The following ARB2A variants were observed in gnomAD, a reference collection of about 807,000 sequenced individuals.
ARB2A encodes ARB2 cotranscriptional regulator A.
the ARB2A span, chr5:94,053,192 T>G: frequency 6.3e-7 from 1 of 1,596,470 alleles, no homozygotes; most frequent in Non-Finnish European, 8.6e-7. Context: ...TCATCTTTTT[T>G]CATTAGTTCA....
the ARB2A span, chr5:93,784,593 A>G: frequency 1.1e-6 from 1 of 884,642 alleles, no homozygotes; most frequent in Non-Finnish European, 1.7e-6. Flanking sequence ...TATTATATTA[A>G]CAATGAAAAA....
chr5:93,714,396 A>C, the ARB2A span, among the ~76,000 whole-genome samples: 1 of 152,186 alleles, frequency 6.6e-6, no homozygotes, highest in Non-Finnish European at 1.5e-5. Context: ...GCCAGGTGCA[A>C]ATATGCTTCC....
the ARB2A span, among the ~76,000 whole-genome samples, chr5:93,728,421 T>C: frequency 0.19 from 28,160 of 152,054 alleles, 2,999 homozygotes; most frequent in Middle Eastern, 0.28. Context: ...TTTTTGCAAA[T>C]GAAGGCAAGA....
chr5:93,799,565 T>A, the ARB2A span, among the ~76,000 whole-genome samples: 3 of 152,252 alleles, frequency 2.0e-5, no homozygotes, highest in East Asian at 5.8e-4. Flanking sequence ...AATGCAAGTA[T>A]ATCAGGATCT....
the ARB2A span, among the ~76,000 whole-genome samples, chr5:94,092,765 T>C: frequency 1.3e-5 from 2 of 152,134 alleles, no homozygotes; most frequent in Non-Finnish European, 2.9e-5. Context: ...CACACATAAT[T>C]ATGGATGAAT....
At chr5:93,660,030 T>G in the ARB2A span, among the ~76,000 whole-genome samples, 1 of 137,148 alleles carries the variant, frequency 7.3e-6, no homozygotes, top group African/African-American at 2.7e-5. Flanking sequence ...TAGAATAGAG[T>G]TTTTTTTTTT....
At chr5:93,737,748 C>T in the ARB2A span, 2 of 319,764 alleles carry the variant, frequency 6.3e-6, no homozygotes, top group African/African-American at 4.4e-5. Context: ...AAGAACATCT[C>T]CTCAACAAAT....
the ARB2A span, among the ~76,000 whole-genome samples, chr5:93,911,628 CCACACACACACA>C: frequency 4.7e-5 from 7 of 148,672 alleles, no homozygotes; most frequent in African/African-American, 1.7e-4. Context: ...GCATTAGTCA[CCACACACACACA>C]CACACACACA....
the ARB2A span, among the ~76,000 whole-genome samples, chr5:93,912,730 T>C: frequency 6.6e-6 from 1 of 151,908 alleles, no homozygotes; most frequent in Non-Finnish European, 1.5e-5. Flanking sequence ...TTTCATAGTA[T>C]ACTTTCAAGT....
At chr5:93,701,457 A>C in the ARB2A span, among the ~76,000 whole-genome samples, 1 of 152,314 alleles carries the variant, frequency 6.6e-6, no homozygotes, top group South Asian at 2.1e-4. Flanking sequence ...GGTAGTATTC[A>C]GTAATGAATG....
At chr5:94,106,870 G>GAAAAACAAA in the ARB2A span, among the ~76,000 whole-genome samples, 1 of 57,384 alleles carries the variant, frequency 1.7e-5, no homozygotes, top group Non-Finnish European at 3.5e-5. Flanking sequence ...AATCAATGCA[G>GAAAAACAAA]AAAAAAAAAA....
chr5:93,926,732 G>T, the ARB2A span, among the ~76,000 whole-genome samples: 1 of 151,608 alleles, frequency 6.6e-6, no homozygotes, highest in African/African-American at 2.4e-5. Flanking sequence ...AAATGAGGAC[G>T]TTAATACCAT....
the ARB2A span, among the ~76,000 whole-genome samples, chr5:93,942,732 TAAAAC>T: frequency 6.6e-6 from 1 of 151,432 alleles, no homozygotes; most frequent in African/African-American, 2.4e-5. Flanking sequence ...AAAGAAAAAA[TAAAAC>T]AAAAATAAAG....
At chr5:93,687,960 C>T in the ARB2A span, among the ~76,000 whole-genome samples, 1 of 150,174 alleles carries the variant, frequency 6.7e-6, no homozygotes, top group African/African-American at 2.5e-5. Context: ...AATTCTTTAA[C>T]TTTTCTTTTC....
chr5:94,071,571 G>C, the ARB2A span, among the ~76,000 whole-genome samples: 1 of 151,876 alleles, frequency 6.6e-6, no homozygotes, highest in East Asian at 1.9e-4. Flanking sequence ...TTAGAAAATG[G>C]ACAAAAAATA....
chr5:93,927,110 A>G, the ARB2A span, among the ~76,000 whole-genome samples: 1 of 152,288 alleles, frequency 6.6e-6, no homozygotes, highest in African/African-American at 2.4e-5. Flanking sequence ...CAGCAAGTAA[A>G]TATGTAAGTA....
At chr5:93,943,092 C>T in the ARB2A span, among the ~76,000 whole-genome samples, 1 of 152,184 alleles carries the variant, frequency 6.6e-6, no homozygotes, top group South Asian at 2.1e-4. Context: ...ATGAGCATCC[C>T]TATGTATACT....
At chr5:93,644,303 G>A in the ARB2A span, among the ~76,000 whole-genome samples, 1 of 152,138 alleles carries the variant, frequency 6.6e-6, no homozygotes, top group Non-Finnish European at 1.5e-5. Context: ...TTTACTGCTC[G>A]TGTTAGCACA....
the ARB2A span, among the ~76,000 whole-genome samples, chr5:93,664,650 T>TA: frequency 1.8e-4 from 27 of 148,034 alleles, no homozygotes; most frequent in Non-Finnish European, 1.2e-4. Context: ...TATATATATA[T>TA]ATAATAATAA....
Sources: allele counts gnomAD v4.1 joint callset (sites outside exome capture counted in the v4.1 genomes callset), GRCh38; gene constraint gnomAD v4.1.1; transcripts MANE v1.5; gene names NCBI Gene and HGNC (gene_info 2026-07-23, HGNC 2026-07-21).